Variants in PACRG observed in about 807,000 individuals in gnomAD.
PACRG encodes the protein parkin coregulated, also known as parkin coregulated gene protein.
Under a neutral mutation model 29.7 loss-of-function variants are expected in PACRG, and 29 were observed. That is an observed-to-expected ratio of 0.98 (90% CI 0.73 to 1.33). PACRG has a LOEUF of 1.33. Among genes scored for constraint, PACRG ranks in the 40% most tolerant of loss-of-function variants. The pLI is 0.00. For synonymous variants in PACRG, 116 were observed against 118.7 expected (o/e 0.98, Z 0.15); for missense variants, 279 against 316.2 (o/e 0.88, Z 0.89).
chr6:162,878,426 CAAAT>C (rs1562691148), intron 2 of PACRG, among the ~76,000 whole-genome samples: 1 of 152,108 alleles, frequency 6.6e-6, no homozygotes, highest in Non-Finnish European at 1.5e-5. Context: ...AACATTTTAA[CAAAT>C]AAAATCTATT....
At chr6:163,063,087 C>T (rs1811227698) in intron 3 of PACRG, among the ~76,000 whole-genome samples, 1 of 152,168 alleles carries the variant, frequency 6.6e-6, no homozygotes, top group Non-Finnish European at 1.5e-5. Context: ...GGGCTGGCCC[C>T]TCTCACCCTC....
chr6:163,153,211 T>G (rs1778171471), intron 4 of PACRG, among the ~76,000 whole-genome samples: 1 of 152,168 alleles, frequency 6.6e-6, no homozygotes, highest in African/African-American at 2.4e-5. Flanking sequence ...AGTCAGGAAT[T>G]TTTAGTCTTT....
intron 4 of PACRG, chr6:163,179,390 A>G (rs932560126): frequency 5.7e-6 from 1 of 174,752 alleles, no homozygotes; most frequent in Non-Finnish European, 1.2e-5. Context: ...GGTGTTCTTT[A>G]AATTAAAAAA....
At chr6:163,307,503 C>T (rs962688939) in intron 4 of PACRG, among the ~76,000 whole-genome samples, 3 of 152,148 alleles carry the variant, frequency 2.0e-5, no homozygotes, top group Non-Finnish European at 4.4e-5. Flanking sequence ...GGTTGAAAAA[C>T]CATTGCAACT....
chr6:162,940,855 A>G (rs1250173970), intron 2 of PACRG, among the ~76,000 whole-genome samples: 1 of 152,178 alleles, frequency 6.6e-6, no homozygotes, highest in African/African-American at 2.4e-5. Context: ...CCTTAGAGAA[A>G]TGAGTTTTTA....
At chr6:163,162,855 T>G (rs150927764) in intron 4 of PACRG, among the ~76,000 whole-genome samples, 2 of 152,076 alleles carry the variant, frequency 1.3e-5, no homozygotes, top group Admixed American at 1.3e-4. Flanking sequence ...ACTATGAAAC[T>G]GGTGATGAAG....
At chr6:163,020,794 T>G (rs907520885) in intron 2 of PACRG, among the ~76,000 whole-genome samples, 16 of 152,322 alleles carry the variant, frequency 1.1e-4, no homozygotes, top group African/African-American at 3.8e-4. Context: ...ATAACTGTTC[T>G]AAAAATGTCT....
At chr6:162,847,086 CCCACTGTGCTCCCCACACTGT>C (rs1231075471) in intron 2 of PACRG, among the ~76,000 whole-genome samples, 9 of 111,116 alleles carry the variant, frequency 8.1e-5, no homozygotes, top group South Asian at 3.2e-4. Context: ...CCCCACACTG[CCCACTGTGCTCCCCACACTGT>C]CCACTGTGCT....
chr6:163,307,463 G>T (rs113854393), intron 4 of PACRG, among the ~76,000 whole-genome samples: 3 of 152,202 alleles, frequency 2.0e-5, no homozygotes, highest in Non-Finnish European at 4.4e-5. Context: ...CATCTCTAGC[G>T]TGCCAGATGC....
At chr6:162,776,126 T>C (rs1783624305) in intron 1 of PACRG, among the ~76,000 whole-genome samples, 1 of 152,236 alleles carries the variant, frequency 6.6e-6, no homozygotes, top group African/African-American at 2.4e-5. Context: ...CCGACATCTT[T>C]GCAATATTTT....
intron 2 of PACRG, among the ~76,000 whole-genome samples, chr6:162,896,164 T>C (rs1446973652): frequency 2.0e-5 from 3 of 152,324 alleles, no homozygotes; most frequent in East Asian, 1.9e-4. Context: ...CATGGCCATG[T>C]GTTCTTGTAA....
chr6:163,163,708 T>G (rs1437995092), intron 4 of PACRG, among the ~76,000 whole-genome samples: 1 of 152,134 alleles, frequency 6.6e-6, no homozygotes, highest in Non-Finnish European at 1.5e-5. Context: ...GGTTTATGAG[T>G]CATTCAAAAA....
At chr6:163,222,256 C>T (rs757636653) in intron 4 of PACRG, among the ~76,000 whole-genome samples, 14 of 152,154 alleles carry the variant, frequency 9.2e-5, no homozygotes, top group Non-Finnish European at 1.8e-4. Flanking sequence ...TGAAGGTCCC[C>T]CATGGTCCAT....
At chr6:162,961,157 T>G (rs1562782442) in intron 2 of PACRG, among the ~76,000 whole-genome samples, 1 of 152,224 alleles carries the variant, frequency 6.6e-6, no homozygotes, top group Admixed American at 6.5e-5. Context: ...ACTGCAAGGT[T>G]TGCATCAGTA....
At chr6:163,186,881 A>G (rs1779964599) in intron 4 of PACRG, among the ~76,000 whole-genome samples, 1 of 152,174 alleles carries the variant, frequency 6.6e-6, no homozygotes, top group African/African-American at 2.4e-5. Flanking sequence ...CTCACCGCAC[A>G]CACAAGACCA....
chr6:162,748,795 C>T (rs1298542751), intron 1 of PACRG, among the ~76,000 whole-genome samples: 6 of 152,178 alleles, frequency 3.9e-5, no homozygotes, highest in South Asian at 2.1e-4. Context: ...CAAATCTCTA[C>T]GTATTATGCT....
In PACRG at chr6:163,097,785, C is replaced by T. The variant is rs1814735022; in HGVS notation, c.613+8377C>T. ...AGAGTGTCAGGGTCAAGATAAGGGG[C>T]TGTGGAAACCAGGTTTCTTATTATG... On this transcript the variant is annotated intron_variant, in intron 4 of 4. Transcript: ENST00000366888. Among the ~76,000 whole-genome samples, 5 of 152,232 alleles carry T rather than the reference C, an allele frequency of 3.3e-5. No individual in the cohort carries two copies. The South Asian group carries it at 1.0e-3, about 32-fold the overall frequency.
At chr6:162,729,099 A>T (rs1465842369) in intron 1 of PACRG, among the ~76,000 whole-genome samples, 1 of 152,238 alleles carries the variant, frequency 6.6e-6, no homozygotes, top group East Asian at 1.9e-4. Context: ...GAGAAAAAAG[A>T]TTAAAAATAT....
chr6:163,041,278 A>C (rs1374500601), intron 2 of PACRG, among the ~76,000 whole-genome samples: 1 of 152,120 alleles, frequency 6.6e-6, no homozygotes, highest in Non-Finnish European at 1.5e-5. Flanking sequence ...CGGAGCTTGC[A>C]GTGAACCGAG....
Sources: gnomAD v4.1 joint callset for allele counts (sites outside exome capture counted in the v4.1 genomes callset) on GRCh38, gnomAD v4.1.1 for gene constraint, MANE v1.5 for transcripts, NCBI Gene and HGNC (gene_info 2026-07-23, HGNC 2026-07-21) for gene names.